Variants in C1QTNF3 observed in about 807,000 individuals in gnomAD.
The protein encoded by C1QTNF3 is complement C1q tumor necrosis factor-related protein 3.
In C1QTNF3, 26 loss-of-function variants were observed where a neutral mutation model predicts 32.6. The observed-to-expected ratio is 0.80, with a 90% CI of 0.58 to 1.11. The LOEUF (loss-of-function observed/expected upper bound fraction) is 1.11. Among genes scored for constraint, C1QTNF3 ranks in the 50% least tolerant of loss-of-function variants. The pLI is 0.00. For missense variants in C1QTNF3, 362 were observed against 398.2 expected (o/e 0.91, Z 0.77); for synonymous variants, 155 against 146.0 (o/e 1.06, Z -0.44).
the C1QTNF3 span, among the ~76,000 whole-genome samples, chr5:34,211,549 A>AT: frequency 1.5e-5 from 1 of 68,758 alleles, no homozygotes. Flanking sequence ...CCCTCCCCCC[A>AT]CCCCATAACA....
intron 5 of C1QTNF3, among the ~76,000 whole-genome samples, chr5:34,021,793 T>A (rs1211071341): frequency 1.3e-5 from 2 of 152,106 alleles, no homozygotes; most frequent in Non-Finnish European, 2.9e-5. Flanking sequence ...AGGGAGAGCA[T>A]TAGGACAAAT....
At chr5:34,205,680 CAGGT>C in the C1QTNF3 span, among the ~76,000 whole-genome samples, 1 of 150,858 alleles carries the variant, frequency 6.6e-6, no homozygotes, top group Admixed American at 6.6e-5. Flanking sequence ...TACCTAGGAT[CAGGT>C]AGTTCTTTAT....
chr5:34,148,212 C>T, the C1QTNF3 span, among the ~76,000 whole-genome samples: 104 of 146,854 alleles, frequency 7.1e-4, no homozygotes, highest in African/African-American at 2.5e-3. Flanking sequence ...CCTACGCCCA[C>T]GGAATCTCGC....
chr5:34,112,607 T>A, the C1QTNF3 span, among the ~76,000 whole-genome samples: 1 of 151,962 alleles, frequency 6.6e-6, no homozygotes, highest in Admixed American at 6.6e-5. Flanking sequence ...AGTTCAAGGC[T>A]ACAGTGAGGT....
chr5:34,112,202 T>C, the C1QTNF3 span, among the ~76,000 whole-genome samples: 1 of 152,204 alleles, frequency 6.6e-6, no homozygotes, highest in East Asian at 1.9e-4. Context: ...ATTTATATTA[T>C]AGGCCATGGA....
the C1QTNF3 span, among the ~76,000 whole-genome samples, chr5:34,210,876 A>G: frequency 6.6e-6 from 1 of 152,112 alleles, no homozygotes; most frequent in Non-Finnish European, 1.5e-5. Context: ...ATGTATAACA[A>G]TATACATTTT....
chr5:34,061,956 G>T, the C1QTNF3 span, among the ~76,000 whole-genome samples: 3 of 152,162 alleles, frequency 2.0e-5, no homozygotes, highest in Non-Finnish European at 4.4e-5. Flanking sequence ...GCATTGTCAG[G>T]CTGTAAATTT....
At chr5:34,056,468 A>G in the C1QTNF3 span, among the ~76,000 whole-genome samples, 2 of 109,186 alleles carry the variant, frequency 1.8e-5, no homozygotes, top group African/African-American at 3.8e-5. Context: ...ATATATATAT[A>G]TATATATATA....
At chr5:34,154,329 T>C in the C1QTNF3 span, among the ~76,000 whole-genome samples, 1 of 152,160 alleles carries the variant, frequency 6.6e-6, no homozygotes, top group Admixed American at 6.5e-5. Flanking sequence ...TTCAAATATG[T>C]TTGTAAAGCT....
the C1QTNF3 span, among the ~76,000 whole-genome samples, chr5:34,117,963 TAGA>T: frequency 1.3e-5 from 2 of 152,092 alleles, no homozygotes; most frequent in East Asian, 1.9e-4. Flanking sequence ...GAAAAAAGAG[TAGA>T]AGAAATATCA....
the C1QTNF3 span, among the ~76,000 whole-genome samples, chr5:34,127,850 GA>G: frequency 6.6e-6 from 1 of 151,684 alleles, no homozygotes; most frequent in Non-Finnish European, 1.5e-5. Flanking sequence ...TAAAAGTTTG[GA>G]AAATTTGCAA....
the C1QTNF3 span, among the ~76,000 whole-genome samples, chr5:34,242,640 C>T: frequency 6.6e-6 from 1 of 151,434 alleles, no homozygotes; most frequent in Non-Finnish European, 1.5e-5. Flanking sequence ...ACAATTGCAA[C>T]AAAAACGAAA....
the C1QTNF3 span, among the ~76,000 whole-genome samples, chr5:34,155,692 A>G: frequency 2.6e-5 from 4 of 152,212 alleles, no homozygotes; most frequent in Admixed American, 2.6e-4. Flanking sequence ...TTAAAAATCT[A>G]AAAATATTTG....
the C1QTNF3 span, among the ~76,000 whole-genome samples, chr5:34,135,381 AT>A: frequency 6.7e-6 from 1 of 150,034 alleles, no homozygotes. Flanking sequence ...AAATTCTCTT[AT>A]TTTTTTTTGC....
chr5:34,153,955 A>G, the C1QTNF3 span, among the ~76,000 whole-genome samples: 1 of 151,904 alleles, frequency 6.6e-6, no homozygotes, highest in South Asian at 2.1e-4. Context: ...ATTTCACATA[A>G]TATACACATA....
the C1QTNF3 span, among the ~76,000 whole-genome samples, chr5:34,049,633 A>C: frequency 6.6e-6 from 1 of 152,224 alleles, no homozygotes; most frequent in African/African-American, 2.4e-5. Context: ...CAGGATCTTG[A>C]AAGATCCAAG....
the C1QTNF3 span, among the ~76,000 whole-genome samples, chr5:34,109,607 T>C: frequency 6.6e-6 from 1 of 152,114 alleles, no homozygotes; most frequent in East Asian, 1.9e-4. Flanking sequence ...TTCTTACCAC[T>C]ATTTTAGAGA....
At chr5:34,036,358 T>A (rs576505193) in intron 1 of C1QTNF3, among the ~76,000 whole-genome samples, 2 of 152,284 alleles carry the variant, frequency 1.3e-5, no homozygotes, top group East Asian at 3.9e-4. Flanking sequence ...TTTATTTACT[T>A]ATTTAACTGA....
the C1QTNF3 span, among the ~76,000 whole-genome samples, chr5:34,159,213 TATA>T: frequency 2.6e-5 from 4 of 152,106 alleles, no homozygotes; most frequent in Non-Finnish European, 5.9e-5. Flanking sequence ...TTCATAAACC[TATA>T]ATGTTGTTTA....
Sources: allele counts gnomAD v4.1 joint callset (sites outside exome capture counted in the v4.1 genomes callset), GRCh38; gene constraint gnomAD v4.1.1; transcripts MANE v1.5; gene names NCBI Gene and HGNC (gene_info 2026-07-23, HGNC 2026-07-21).